The following TXNRD3 variants were observed in gnomAD, a reference collection of about 807,000 sequenced individuals.
TXNRD3 encodes the protein TXNRD3 neighbor gene protein.
A neutral mutation model predicts 78.2 loss-of-function variants in TXNRD3; 68 were observed. The observed-to-expected ratio is 0.87, with a 90% confidence interval of 0.72 to 1.06. The LOEUF (loss-of-function observed/expected upper bound fraction) is 1.06. Ranked by LOEUF, TXNRD3 falls within the 50% of genes least tolerant of loss-of-function variation. TXNRD3 has a pLI of 0.00. For synonymous variants in TXNRD3, 296 were observed against 300.1 expected (o/e 0.99, Z 0.14); for missense variants, 751 against 809.5 (o/e 0.93, Z 0.88).
chr3:126,630,161 C>G (rs989559003), intron 9 of TXNRD3, among the ~76,000 whole-genome samples: 3 of 152,214 alleles, frequency 2.0e-5, no homozygotes, highest in African/African-American at 4.8e-5. Context: ...TCAGCGCATG[C>G]TGCCAAGAGG....
At position 126,655,072 on chromosome 3, in the gene TXNRD3, G is replaced by A. The variant is rs971265752; in HGVS notation, c.-82C>T. 3 of 1,298,538 alleles carry A rather than the reference G, an allele frequency of 2.3e-6. No homozygotes were observed. The highest frequency in any genetic ancestry group is 2.9e-6 in the Non-Finnish European group (3 of 1,024,374). The allele number at this position is 1,298,538 out of a possible 1,614,324, so 80.4% of individuals were successfully genotyped here. A position where few individuals can be genotyped will look rare whatever the true frequency, so the allele number is the denominator to read the frequency against. On this transcript the variant is annotated 5_prime_UTR_variant, in exon 1 of 16. Coordinates refer to ENST00000524230, the MANE Select transcript of TXNRD3 (RefSeq NM_052883.3). ...GCTGCGGCGCCGGGACGGGGCCTGA[G>A]GGGCGGCGAACGCTGCCCTCGCTGG...
At chr3:126,622,601 T>C in intron 10 of TXNRD3, 61 bp from the exon 11 acceptor site, 2 of 1,169,646 alleles carry the variant, frequency 1.7e-6, no homozygotes, top group Non-Finnish European at 2.4e-6. Flanking sequence ...AGAAGGAACA[T>C]CACTATAGAT....
intron 7 of TXNRD3, among the ~76,000 whole-genome samples, chr3:126,632,659 CAA>C (rs71615915): frequency 4.2e-4 from 25 of 59,286 alleles, no homozygotes; most frequent in Admixed American, 5.5e-4. Context: ...GACTCTGTCT[CAA>C]AAAAAAAAAA....
At chr3:126,624,231 C>T (rs915733454) in intron 10 of TXNRD3, among the ~76,000 whole-genome samples, 3 of 152,038 alleles carry the variant, frequency 2.0e-5, no homozygotes, top group Non-Finnish European at 4.4e-5. Flanking sequence ...ACTTTTGTTT[C>T]TAAAAATTAA....
chr3:126,650,945 G>A (rs1933373418), intron 1 of TXNRD3, among the ~76,000 whole-genome samples: 1 of 152,112 alleles, frequency 6.6e-6, no homozygotes, highest in Non-Finnish European at 1.5e-5. Context: ...AAACAAGCTG[G>A]TTGATTACAG....
Position 126,608,513 on chromosome 3 carries a change from G to A in TXNRD3, c.1849C>T (p.Pro617Ser), listed in dbSNP as rs1938114978. ...CTGTTTCCTACCTCCCCACATGTGG[G>A]GTGAATTCCAATGGTGTCATCAAGT... The change falls in exon 15 of 16, where the codon CCC (proline) becomes TCC (serine). Residue 617 changes from proline to serine, a missense_variant. By Grantham distance (74) the Pro-to-Ser change is moderately conservative (BLOSUM62 -1). Transcript: ENST00000524230. The A allele has an allele frequency of 1.3e-6, 2 of 1,534,264 alleles. No homozygotes were observed. Among genetic ancestry groups the A allele is most frequent in the Non-Finnish European group, 8.7e-7 (1 of 1,146,306 alleles).
At chr3:126,639,588 G>A (rs186875070) in intron 6 of TXNRD3, among the ~76,000 whole-genome samples, 54 of 152,116 alleles carry the variant, frequency 3.5e-4, no homozygotes, top group African/African-American at 1.3e-3. Context: ...TTCTTTTTCC[G>A]AGACAAGATC....
At chr3:126,620,875 T>C (rs1455226413) in intron 12 of TXNRD3, among the ~76,000 whole-genome samples, 1 of 152,188 alleles carries the variant, frequency 6.6e-6, no homozygotes, top group African/African-American at 2.4e-5. Context: ...AATTTTTCTT[T>C]GCATGAGATG....
rs1247827509 is a variant in TXNRD3 at position 126,647,126 on chromosome 3, T to C, written c.304+110A>G. On this transcript the variant is annotated intron_variant, in intron 2 of 15. Transcript: ENST00000524230. ...ATGGCTGAATGTAGACAAAAATGCC[T>C]CATTTAACCCGAAGACAAGAGTAAT... The C allele has an allele frequency of 3.8e-6, 3 of 789,822 alleles. No individual in the cohort carries two copies. In the Admixed American group the frequency reaches 9.8e-5, roughly 26 times the overall value. 48.9% of individuals were successfully genotyped at this position (789,822 alleles called of 1,614,324 possible). A position where few individuals can be genotyped will look rare whatever the true frequency, so the allele number is the denominator to read the frequency against.
intron 11 of TXNRD3, 46 bp from the exon 12 acceptor site, chr3:126,621,944 T>C (rs1283264229): frequency 4.3e-6 from 6 of 1,411,316 alleles, no homozygotes; most frequent in South Asian, 1.6e-5. Context: ...CAACTCACTC[T>C]ACACTGCTGG....
chr3:126,632,130 A>T (rs184672725), intron 7 of TXNRD3, among the ~76,000 whole-genome samples: 7 of 152,214 alleles, frequency 4.6e-5, no homozygotes, highest in Admixed American at 2.0e-4. Flanking sequence ...GAAGGAGTAG[A>T]GATTTTCAAG....
intron 1 of TXNRD3, among the ~76,000 whole-genome samples, chr3:126,648,061 A>T (rs1222444078): frequency 1.3e-5 from 2 of 152,204 alleles, no homozygotes; most frequent in South Asian, 2.1e-4. Context: ...AAATCAGTTG[A>T]TTTTCTGTAT....
At chr3:126,621,282 C>T (rs1331804967) in intron 12 of TXNRD3, among the ~76,000 whole-genome samples, 2 of 152,242 alleles carry the variant, frequency 1.3e-5, no homozygotes, top group African/African-American at 4.8e-5. Context: ...TGTTTACAGG[C>T]CAAGTGGGCA....
chr3:126,638,781 A>G (rs1370097657), intron 6 of TXNRD3, among the ~76,000 whole-genome samples: 1 of 152,206 alleles, frequency 6.6e-6, no homozygotes, highest in East Asian at 1.9e-4. Flanking sequence ...GGGAACTTTG[A>G]GGAAGCTAAT....
intron 1 of TXNRD3, among the ~76,000 whole-genome samples, chr3:126,654,025 T>TAA (rs376083520): frequency 4.5e-5 from 6 of 131,936 alleles, no homozygotes; most frequent in African/African-American, 8.5e-5. Context: ...GGTAAAAATG[T>TAA]AAAAAAAAAA....
intron 8 of TXNRD3, among the ~76,000 whole-genome samples, chr3:126,631,361 T>C (rs1201217184): frequency 1.3e-5 from 2 of 152,204 alleles, no homozygotes; most frequent in African/African-American, 4.8e-5. Context: ...ATGTCCTGTT[T>C]GACCACTAAG....
intron 1 of TXNRD3, among the ~76,000 whole-genome samples, chr3:126,654,169 C>T (rs1027658030): frequency 3.9e-5 from 6 of 152,134 alleles, no homozygotes; most frequent in African/African-American, 1.4e-4. Context: ...CTATACACAT[C>T]AATGTAAACT....
At chr3:126,647,200 T>C (rs1299770860) in intron 2 of TXNRD3, 36 bp downstream of exon 2, 12 of 1,453,426 alleles carry the variant, frequency 8.3e-6, no homozygotes, top group Admixed American at 2.1e-5. Flanking sequence ...CTGGCATTTA[T>C]TATAAACAAC....
chr3:126,615,347 A>G lies in TXNRD3; in HGVS notation c.1632+8T>C, dbSNP rs1033950151. ...ATTTTTTAAGGAAGTAATAAAACAC[A>G]ATCTTACTTCTAGATTCTCTTTTTT... On this transcript the variant is annotated splice_region_variant and intron_variant, in intron 13 of 15. Transcript: ENST00000524230. The G allele has an allele frequency of 4.5e-6, 6 of 1,344,688 alleles. No homozygotes were observed. The African/African-American group carries it at 9.0e-5, about 20-fold the overall frequency. 83.3% of individuals were successfully genotyped at this position (1,344,688 alleles called of 1,614,324 possible). A position where few individuals can be genotyped will look rare whatever the true frequency, so the allele number is the denominator to read the frequency against.
Sources: allele counts gnomAD v4.1 joint callset (sites outside exome capture counted in the v4.1 genomes callset), GRCh38; gene constraint gnomAD v4.1.1; transcripts MANE v1.5; gene names NCBI Gene and HGNC (gene_info 2026-07-23, HGNC 2026-07-21).